SORCS3: variants seen among roughly 807,000 people sequenced by gnomAD.
SORCS3 encodes sortilin related VPS10 domain containing receptor 3.
Under a neutral mutation model 146.3 loss-of-function variants are expected in SORCS3, and 57 were observed. The ratio of observed to expected loss-of-function variants is 0.39; its 90% CI spans 0.31 to 0.49. The LOEUF is 0.49. Among genes scored for constraint, SORCS3 ranks in the 20% least tolerant of loss-of-function variants. SORCS3 has a pLI of 0.92. For synonymous variants in SORCS3, 653 were observed against 618.5 expected, an observed-to-expected ratio of 1.06 and a Z score of -0.83; for missense variants, 1,341 against 1,575.5, an observed-to-expected ratio of 0.85 and a Z score of 2.52.
chr10:105,222,044 C>CTTTTTTT (rs34795700), intron 19 of SORCS3, among the ~76,000 whole-genome samples: 6 of 76,516 alleles, frequency 7.8e-5, no homozygotes, highest in Admixed American at 1.7e-4. Context: ...TACCTTAACA[C>CTTTTTTT]TTTTTTTTTT....
chr10:105,137,241 C>T (rs2056064958), intron 7 of SORCS3, among the ~76,000 whole-genome samples: 1 of 152,044 alleles, frequency 6.6e-6, no homozygotes, highest in African/African-American at 2.4e-5. Flanking sequence ...TCTGCTTTCC[C>T]ATGAATGTGT....
chr10:104,983,430 C>T (rs771705636), intron 4 of SORCS3, among the ~76,000 whole-genome samples: 4 of 152,160 alleles, frequency 2.6e-5, no homozygotes, highest in East Asian at 3.8e-4. Context: ...ATGGAAGATA[C>T]GGCATGTATA....
intron 3 of SORCS3, among the ~76,000 whole-genome samples, chr10:104,973,134 A>G (rs1381385833): frequency 6.6e-6 from 1 of 152,126 alleles, no homozygotes; most frequent in African/African-American, 2.4e-5. Flanking sequence ...AATGTTCATC[A>G]AGGATATTGG....
chr10:104,835,278 C>T (rs1170230735), intron 1 of SORCS3, among the ~76,000 whole-genome samples: 5 of 152,106 alleles, frequency 3.3e-5, no homozygotes, highest in Admixed American at 1.3e-4. Flanking sequence ...AGGCAGTCCC[C>T]GAAGTGTATG....
At chr10:104,886,434 T>C (rs1343585298) in intron 2 of SORCS3, among the ~76,000 whole-genome samples, 1 of 152,166 alleles carries the variant, frequency 6.6e-6, no homozygotes, top group Non-Finnish European at 1.5e-5. Flanking sequence ...TATATGTTTA[T>C]GTGTGTTCAG....
intron 7 of SORCS3, among the ~76,000 whole-genome samples, chr10:105,127,272 C>T (rs2055982883): frequency 6.6e-6 from 1 of 151,982 alleles, no homozygotes; most frequent in Admixed American, 6.6e-5. Context: ...GTCAACCACG[C>T]AAAGGAGTAT....
intron 1 of SORCS3, among the ~76,000 whole-genome samples, chr10:104,790,375 G>C (rs1357362554): frequency 6.6e-6 from 1 of 152,176 alleles, no homozygotes; most frequent in Admixed American, 6.5e-5. Flanking sequence ...TTAGAGAAAA[G>C]GAAGAAAAAG....
chr10:104,915,971 G>A, intron 3 of SORCS3, 39 bp downstream of exon 3: 1 of 1,491,790 alleles, frequency 6.7e-7, no homozygotes, highest in Non-Finnish European at 9.4e-7. Flanking sequence ...CACTCCTGCT[G>A]GGTAGCTGTG....
chr10:104,939,534 A>T (rs1589557766), intron 3 of SORCS3, among the ~76,000 whole-genome samples: 1 of 46,714 alleles, frequency 2.1e-5, no homozygotes, highest in African/African-American at 8.9e-4. Flanking sequence ...GAGAACGTCC[A>T]AATGGGTCTG....
intron 20 of SORCS3, among the ~76,000 whole-genome samples, chr10:105,237,674 T>C (rs1302780836): frequency 1.1e-4 from 17 of 152,286 alleles, no homozygotes; most frequent in Admixed American, 1.3e-4. Context: ...GGGAGTGCCG[T>C]GATTTTAGAG....
chr10:105,008,643 T>G (rs982398939), intron 4 of SORCS3, among the ~76,000 whole-genome samples: 19 of 152,174 alleles, frequency 1.2e-4, no homozygotes, highest in Non-Finnish European at 2.2e-4. Context: ...TGAGGTTTTT[T>G]GTTTTTGTTT....
intron 20 of SORCS3, among the ~76,000 whole-genome samples, chr10:105,226,700 T>C (rs923250997): frequency 6.6e-6 from 1 of 151,976 alleles, no homozygotes; most frequent in Non-Finnish European, 1.5e-5. Context: ...CTTTTCTTTT[T>C]TGGGAGACTT....
chr10:105,245,059 ACT>A (rs1418353646), intron 20 of SORCS3, among the ~76,000 whole-genome samples: 2 of 127,522 alleles, frequency 1.6e-5, no homozygotes, highest in Admixed American at 8.7e-5. Context: ...GCAGAGCAAG[ACT>A]CTGTCAAAAA....
chr10:104,804,126 A>G (rs1412646995), intron 1 of SORCS3, among the ~76,000 whole-genome samples: 1 of 152,186 alleles, frequency 6.6e-6, no homozygotes, highest in Admixed American at 6.5e-5. Context: ...AGGGCTTTTC[A>G]ATTTCCACAG....
chr10:104,761,085 T>C (rs1397449549), intron 1 of SORCS3, among the ~76,000 whole-genome samples: 18 of 152,126 alleles, frequency 1.2e-4, no homozygotes, highest in Non-Finnish European at 4.4e-5. Flanking sequence ...TGATGCCAAA[T>C]AAATGAAAAT....
chr10:104,819,000 G>C (rs1354172198), intron 1 of SORCS3, among the ~76,000 whole-genome samples: 1 of 151,254 alleles, frequency 6.6e-6, no homozygotes, highest in Non-Finnish European at 1.5e-5. Context: ...ATCCATCCAA[G>C]CTGGAGATAA....
At chr10:104,733,569 A>C (rs1028564895) in intron 1 of SORCS3, among the ~76,000 whole-genome samples, 37 of 149,810 alleles carry the variant, frequency 2.5e-4, no homozygotes, top group African/African-American at 9.1e-4. Flanking sequence ...TATGTTGACC[A>C]AACGCTTTGA....
At chr10:105,048,011 G>A (rs565412989) in intron 5 of SORCS3, among the ~76,000 whole-genome samples, 125 of 152,152 alleles carry the variant, frequency 8.2e-4, no homozygotes, top group African/African-American at 2.0e-3. Flanking sequence ...TTAGAATGGC[G>A]ATCATGAAAA....
rs1435832185 is a variant in SORCS3 at position 105,263,367 on chromosome 10, G to A, written c.3662G>A (p.Ser1221Asn). 3 of 1,614,020 alleles carry A rather than the reference G, an allele frequency of 1.9e-6. No individual in the cohort carries two copies. The highest frequency in any genetic ancestry group is 3.3e-5 in the Admixed American group (2 of 60,004). Residue 1221 changes from serine to asparagine, a missense_variant, in exon 27 of 27, where the codon AGT becomes AAT. Ser to Asn is a conservative substitution (Grantham distance 46). Coordinates refer to ENST00000369701, the MANE Select transcript of SORCS3 (RefSeq NM_014978.3). ...ACAAAGGAGATCCCCAACTGCACTA[G>A]TGTTTAATACCAGCAAGCCACGTGG... is the stretch of plus-strand genomic sequence containing the variant. Reference protein sequence around the residue: ...ESTKEIPNCTSV With the variant: ...ESTKEIPNCTNV
Sources: gnomAD v4.1 joint callset for allele counts (sites outside exome capture counted in the v4.1 genomes callset) on GRCh38, gnomAD v4.1.1 for gene constraint, MANE v1.5 for transcripts, NCBI Gene and HGNC (gene_info 2026-07-23, HGNC 2026-07-21) for gene names.